MED30: variants seen among roughly 807,000 people sequenced by gnomAD.
MED30 encodes the protein mediator of RNA polymerase II transcription subunit 30.
A neutral mutation model predicts 21.7 loss-of-function variants in MED30; 8 were observed. The ratio of observed to expected loss-of-function variants is 0.37; its 90% CI spans 0.22 to 0.67. The LOEUF is 0.67. Ranked by LOEUF, MED30 falls within the 30% of genes least tolerant of loss-of-function variation. The probability of loss-of-function intolerance (pLI) is 0.58; values close to 1 mark genes in which losing one functional copy is unlikely to be tolerated. For missense variants in MED30, 203 were observed against 228.2 expected (o/e 0.89, Z 0.71); for synonymous variants, 79 against 86.7 (o/e 0.91, Z 0.49).
chr8:117,527,632 C>CTTTTTTTT (rs1818737423), intron 1 of MED30, among the ~76,000 whole-genome samples: 4 of 109,206 alleles, frequency 3.7e-5, no homozygotes, highest in African/African-American at 6.9e-5. Flanking sequence ...TTCTTTTTTT[C>CTTTTTTTT]TTTCTTTTTT....
chr8:117,528,881 C>T, intron 2 of MED30, 72 bp downstream of exon 2: 1 of 1,195,736 alleles, frequency 8.4e-7, no homozygotes, highest in Non-Finnish European at 1.1e-6. Context: ...TAATCTTTTT[C>T]CTCTCTCTCC....
chr8:117,537,238 G>GT (rs1818894131), intron 3 of MED30, among the ~76,000 whole-genome samples: 1 of 152,152 alleles, frequency 6.6e-6, no homozygotes, highest in East Asian at 1.9e-4. Flanking sequence ...CTTTTTTTAA[G>GT]TATTTAGTCT....
chr8:117,532,466 C>T (rs1818804623), intron 3 of MED30, among the ~76,000 whole-genome samples: 1 of 151,736 alleles, frequency 6.6e-6, no homozygotes, highest in Admixed American at 6.6e-5. Flanking sequence ...AATAATCTAG[C>T]CAGAAAAACA....
intron 1 of MED30, chr8:117,523,451 G>T (rs1031049877): frequency 2.5e-6 from 4 of 1,576,000 alleles, no homozygotes; most frequent in African/African-American, 1.3e-5. Context: ...TTAGGCTGAG[G>T]CCTGCCAGTC....
At chr8:117,532,999 A>G (rs1473456986) in intron 3 of MED30, among the ~76,000 whole-genome samples, 3 of 152,020 alleles carry the variant, frequency 2.0e-5, no homozygotes, top group African/African-American at 7.2e-5. Flanking sequence ...TTTATAAAAT[A>G]TAATGAAATA....
At chr8:117,523,381 T>C in intron 1 of MED30, 1 of 1,548,168 alleles carries the variant, frequency 6.5e-7, no homozygotes, top group South Asian at 1.1e-5. Context: ...ACTCCGTCTG[T>C]AGGTATCTCT....
In MED30 at chr8:117,528,345, T is replaced by G. The variant is rs150783053; in HGVS notation, c.178-306T>G. 1.9e-3 allele frequency among the ~76,000 whole-genome samples: 293 copies of G among 152,056 alleles called. 2 individuals are homozygous for G. The highest frequency in any genetic ancestry group is 6.7e-3 in the African/African-American group (277 of 41,540). ...TGCTGCATTTATATAATAGTAATAT[T>G]AAAATTGTAAATTTTTTTTTAAAGT... is the stretch of plus-strand genomic sequence containing the variant. On this transcript the variant is annotated intron_variant, in intron 1 of 3. Coordinates refer to ENST00000297347, the MANE Select transcript of MED30 (RefSeq NM_080651.4).
At chr8:117,521,084 A>T in intron 1 of MED30, 31 bp downstream of exon 1, 1 of 1,552,574 alleles carries the variant, frequency 6.4e-7, no homozygotes, top group African/African-American at 1.4e-5. Flanking sequence ...GGCCAGGGGG[A>T]TGCAGCTGGG....
intron 3 of MED30, among the ~76,000 whole-genome samples, chr8:117,534,559 G>T (rs1303688284): frequency 6.6e-6 from 1 of 152,118 alleles, no homozygotes; most frequent in East Asian, 1.9e-4. Flanking sequence ...AATCAGTTTA[G>T]GTGTTTTAAA....
At chr8:117,538,588 T>G (rs895026585) in intron 3 of MED30, among the ~76,000 whole-genome samples, 2 of 152,146 alleles carry the variant, frequency 1.3e-5, no homozygotes, top group Admixed American at 1.3e-4. Flanking sequence ...TAAAATTAAT[T>G]AAGTATATTA....
chr8:117,538,981 A>G (rs1031730604), intron 3 of MED30, among the ~76,000 whole-genome samples: 9 of 152,224 alleles, frequency 5.9e-5, no homozygotes, highest in African/African-American at 2.2e-4. Context: ...TACTTTTATT[A>G]TATTTTCTAT....
At chr8:117,526,003 A>G (rs1305558737) in intron 1 of MED30, among the ~76,000 whole-genome samples, 1 of 152,034 alleles carries the variant, frequency 6.6e-6, no homozygotes, top group Non-Finnish European at 1.5e-5. Flanking sequence ...TTACTAACCA[A>G]GAACATGCAG....
At chr8:117,530,969 A>G (rs927935905) in intron 3 of MED30, 142 bp downstream of exon 3, 7 of 640,522 alleles carry the variant, frequency 1.1e-5, no homozygotes, top group Non-Finnish European at 1.6e-5. Context: ...TTTAGAATAC[A>G]GCCAAGAAAT....
intron 1 of MED30, chr8:117,523,455 G>C: frequency 1.3e-6 from 2 of 1,577,940 alleles, no homozygotes; most frequent in East Asian, 2.2e-5. Flanking sequence ...GCTGAGGCCT[G>C]CCAGTCTCTG....
chr8:117,526,599 G>A (rs1394356857), intron 1 of MED30, among the ~76,000 whole-genome samples: 1 of 151,944 alleles, frequency 6.6e-6, no homozygotes, highest in Non-Finnish European at 1.5e-5. Context: ...TTATTGATGA[G>A]CTTTTCAGCT....
intron 1 of MED30, among the ~76,000 whole-genome samples, chr8:117,524,228 A>G (rs1445869752): frequency 2.0e-5 from 3 of 152,194 alleles, no homozygotes; most frequent in Admixed American, 6.5e-5. Flanking sequence ...CAAAAAAACT[A>G]GAAGAGGTGA....
intron 3 of MED30, among the ~76,000 whole-genome samples, chr8:117,537,778 T>C (rs1165148052): frequency 6.6e-6 from 1 of 152,040 alleles, no homozygotes; most frequent in Non-Finnish European, 1.5e-5. Context: ...TGATACTGAT[T>C]ATAAAGTCTG....
intron 1 of MED30, among the ~76,000 whole-genome samples, chr8:117,521,610 T>G (rs1225621990): frequency 1.3e-5 from 2 of 152,212 alleles, no homozygotes; most frequent in African/African-American, 4.8e-5. Flanking sequence ...GCTTCCCACC[T>G]TCCATCGCTA....
At chr8:117,528,244 C>A (rs981404025) in intron 1 of MED30, among the ~76,000 whole-genome samples, 1 of 151,660 alleles carries the variant, frequency 6.6e-6, no homozygotes, top group Non-Finnish European at 1.5e-5. Context: ...CATTTTCTTC[C>A]ACTAAAATAT....
Sources: allele counts gnomAD v4.1 joint callset (sites outside exome capture counted in the v4.1 genomes callset), GRCh38; gene constraint gnomAD v4.1.1; transcripts MANE v1.5; gene names NCBI Gene and HGNC (gene_info 2026-07-23, HGNC 2026-07-21).